Variants in ABCD4 observed in about 807,000 individuals in gnomAD.
ABCD4 encodes the protein ATP binding cassette subfamily D member 4.
A neutral mutation model predicts 86.3 loss-of-function variants in ABCD4; 53 were observed. The observed-to-expected ratio is 0.61, with a 90% CI of 0.49 to 0.77. The LOEUF (loss-of-function observed/expected upper bound fraction) is 0.77, where lower values mean the gene tolerates loss of function less well. Among genes scored for constraint, ABCD4 ranks in the 30% least tolerant of loss-of-function variants. The probability of loss-of-function intolerance (pLI) is 0.00; values close to 1 mark genes in which losing one functional copy is unlikely to be tolerated. For synonymous variants in ABCD4, 328 were observed against 313.6 expected (o/e 1.05, Z -0.49); for missense variants, 757 against 764.5 (o/e 0.99, Z 0.12).
In ABCD4 at chr14:74,290,527, G is replaced by A. The variant is rs530167374; in HGVS notation, c.1119-28C>T. On this transcript the variant is annotated intron_variant, in intron 11 of 18. Transcript: ENST00000356924. ...GTGTCAGAGAAGAGAGGGGGCGTGA[G>A]GAAGATGGGCAGGGTCAGTATTGCT... is the stretch of plus-strand genomic sequence containing the variant. 5.7e-5 allele frequency: 91 copies of A among 1,590,770 alleles called. 1 individual carries two copies. The Middle Eastern group carries it at 9.9e-4, about 17-fold the overall frequency.
intron 11 of ABCD4, among the ~76,000 whole-genome samples, chr14:74,291,916 C>A (rs1478921742): frequency 6.6e-6 from 1 of 152,108 alleles, no homozygotes; most frequent in African/African-American, 2.4e-5. Context: ...CACGCAGACA[C>A]ACGGATACAG....
intron 4 of ABCD4, 143 bp downstream of exon 4, chr14:74,297,787 C>G (rs117498612): frequency 0.012 from 16,930 of 1,410,876 alleles, 270 homozygotes; most frequent in Admixed American, 0.095. Context: ...CTCTGCAGGG[C>G]ACCCTCCCCC....
rs911504189 is a variant in ABCD4 at position 74,286,427 on chromosome 14, C to T, written c.*34G>A. ...GTCTCTCCTGAGGGCCGCCGACCCG[C>T]CACAGTGTGGCTCTCCTTCCAAAAG... is the stretch of plus-strand genomic sequence containing the variant. On this transcript the variant is annotated 3_prime_UTR_variant, in exon 19 of 19. Coordinates refer to ENST00000356924, the MANE Select transcript of ABCD4 (RefSeq NM_005050.4). 1.9e-6 allele frequency: 3 copies of T among 1,612,702 alleles called. No individual in the cohort carries two copies. Among genetic ancestry groups the T allele is most frequent in the East Asian group, 4.5e-5 (2 of 44,874 alleles).
chr14:74,299,692 G>C lies in ABCD4; in HGVS notation c.158-17C>G. On this transcript the variant is annotated splice_polypyrimidine_tract_variant and intron_variant, in intron 2 of 18. Coordinates refer to ENST00000356924, the MANE Select transcript of ABCD4 (RefSeq NM_005050.4). ...CAAATTGCTCTGAAAGGAGGGAGAGGAGTAAGAAATCAGTGATGAGGGGTT... is the reference window on the plus strand; with the variant it reads ...CAAATTGCTCTGAAAGGAGGGAGAGCAGTAAGAAATCAGTGATGAGGGGTT... 1 of 1,606,530 alleles carries C rather than the reference G, an allele frequency of 6.2e-7. No homozygotes were observed. The highest frequency in any genetic ancestry group is 8.5e-7 in the Non-Finnish European group (1 of 1,176,078).
intron 10 of ABCD4, 23 bp from the exon 11 acceptor site, chr14:74,292,399 A>G: frequency 6.2e-7 from 1 of 1,613,378 alleles, no homozygotes; most frequent in Non-Finnish European, 8.5e-7. Context: ...AGAAAATCTG[A>G]GGCAGGGTCT....
At chr14:74,292,721 T>A in intron 9 of ABCD4, 27 bp downstream of exon 9, 1 of 1,613,898 alleles carries the variant, frequency 6.2e-7, no homozygotes, top group Middle Eastern at 1.6e-4. Context: ...AGGGACAGCA[T>A]GTGGGGTGAC....
At chr14:74,288,040 A>T in intron 16 of ABCD4, 154 bp from the exon 17 acceptor site, 1 of 1,048,406 alleles carries the variant, frequency 9.5e-7, no homozygotes, top group Non-Finnish European at 1.4e-6. Context: ...TACAGCCCTC[A>T]CAGAGTGAGG....
intron 1 of ABCD4, among the ~76,000 whole-genome samples, chr14:74,302,580 T>C (rs1031002060): frequency 8.5e-5 from 13 of 152,148 alleles, no homozygotes; most frequent in African/African-American, 3.1e-4. Flanking sequence ...CAACTCAATT[T>C]TGTGCACCTG....
rs373333360 is a variant in ABCD4 at position 74,288,798 on chromosome 14, A to G, written c.1457-33T>C. On this transcript the variant is annotated intron_variant, in intron 14 of 18. Coordinates refer to ENST00000356924, the MANE Select transcript of ABCD4 (RefSeq NM_005050.4). The stretch of plus-strand genomic sequence containing the variant: ...ACAAAGAAGCCTTCTGCAAAAAGCC[A>G]GAGCCTCCTGGCTGGTCAAAATAGA... 2.5e-6 allele frequency: 4 copies of G among 1,610,150 alleles called. No individual in the cohort carries two copies. The African/African-American group carries it at 4.0e-5, about 16-fold the overall frequency.
intron 7 of ABCD4, 141 bp from the exon 8 acceptor site, chr14:74,293,389 C>T (rs1408366856): frequency 4.5e-6 from 3 of 671,694 alleles, no homozygotes; most frequent in Admixed American, 2.7e-5. Context: ...ACTGGTAGCG[C>T]CCATTCACGG....
intron 14 of ABCD4, 51 bp from the exon 15 acceptor site, chr14:74,288,816 A>C (rs757111675): frequency 6.2e-7 from 1 of 1,600,348 alleles, no homozygotes; most frequent in South Asian, 1.1e-5. Context: ...CTGGCTGGTC[A>C]AAATAGACAG....
rs974467865 is a variant in ABCD4 at position 74,285,910 on chromosome 14, C to T, written c.*551G>A. ...GATTCCAGAACAGCAGAGTGTGCTTCCCTTCCCACCAAGCTGTCAAATACA... is the reference window on the plus strand; with the variant it reads ...GATTCCAGAACAGCAGAGTGTGCTTTCCTTCCCACCAAGCTGTCAAATACA... On this transcript the variant is annotated 3_prime_UTR_variant, in exon 19 of 19. Coordinates refer to ENST00000356924, the MANE Select transcript of ABCD4 (RefSeq NM_005050.4). 1 of 152,580 alleles carries T rather than the reference C, an allele frequency of 6.6e-6. No homozygotes were observed. Among genetic ancestry groups the T allele is most frequent in the African/African-American group, 2.4e-5 (1 of 41,412 alleles). 9.5% of individuals were successfully genotyped at this position (152,580 alleles called of 1,614,324 possible).
In ABCD4 at chr14:74,288,571, A is replaced by G. The variant is rs2080476815; in HGVS notation, c.1506+145T>C. On this transcript the variant is annotated intron_variant, in intron 15 of 18. Coordinates refer to ENST00000356924, the MANE Select transcript of ABCD4 (RefSeq NM_005050.4). Reference sequence around the variant, plus strand: ...TTCGTGCCTAAACCTGGCCAACAGCACACACTGTCAACTGATACTCCCATT... The same window carrying G: ...TTCGTGCCTAAACCTGGCCAACAGCGCACACTGTCAACTGATACTCCCATT... 2.8e-5 allele frequency: 26 copies of G among 930,098 alleles called. No homozygotes were observed. In the South Asian group the frequency reaches 3.9e-4, roughly 14 times the overall value. 57.6% of individuals were successfully genotyped at this position (930,098 alleles called of 1,614,324 possible).
chr14:74,289,052 C>T, intron 14 of ABCD4: 2 of 1,016,734 alleles, frequency 2.0e-6, no homozygotes, highest in Non-Finnish European at 2.4e-6. Context: ...GTGGAGGTTG[C>T]AGTGAGCCGA....
intron 13 of ABCD4, 105 bp from the exon 14 acceptor site, chr14:74,289,624 G>C (rs917961647): frequency 1.6e-5 from 24 of 1,536,144 alleles, no homozygotes; most frequent in Non-Finnish European, 2.0e-5. Context: ...CCAAGGAGGA[G>C]AGGTGGGAAC....
In ABCD4 at chr14:74,300,268, C is replaced by A. The variant is rs1330467541; in HGVS notation, c.39G>T (p.Arg13Ser). ...VAGPAPGAGARPRLDLQFLQR... is the reference protein window; with the variant it reads ...VAGPAPGAGASPRLDLQFLQR... ...GGAGAAATTGCAGATCTAACCTGGG[C>A]CTGAAGAGAAGGTGGGGAGGCAGAG... The change falls in exon 2 of 19, where the codon AGG (arginine) becomes AGT (serine). Residue 13 changes from arginine (R) to serine (S), a missense_variant and splice_region_variant. Physicochemically the swap from Arg to Ser is moderately radical, Grantham distance 110. Transcript: ENST00000356924. 6.2e-7 allele frequency: 1 copy of A among 1,605,860 alleles called. No individual in the cohort carries two copies.
intron 1 of ABCD4, 82 bp from the exon 2 acceptor site, chr14:74,300,350 G>T: frequency 2.3e-6 from 2 of 886,718 alleles, no homozygotes; most frequent in Admixed American, 1.9e-5. Context: ...CATCCACATT[G>T]TTCTGTAGAG....
At chr14:74,299,923 CGTG>C in intron 2 of ABCD4, 2 of 584,480 alleles carry the variant, frequency 3.4e-6, no homozygotes, top group Non-Finnish European at 6.0e-6. Flanking sequence ...TTTAGTCGGG[CGTG>C]GTGGTGGGTG....
Position 74,293,179 on chromosome 14 carries a change from C to T in ABCD4, c.789G>A (p.Leu263=). ...LQRLLQTQRE[L]MSKELWLYIG... ...TGTACAGCCAGAGCTCCTTGGACATCAGCTCCCTCTGGGTCTGAAGGAGTC... is the reference window on the plus strand; with the variant it reads ...TGTACAGCCAGAGCTCCTTGGACATTAGCTCCCTCTGGGTCTGAAGGAGTC... The change falls in exon 8 of 19, where the codon CTG becomes CTA. Residue 263 remains leucine (L), a synonymous_variant. Coordinates refer to ENST00000356924, the MANE Select transcript of ABCD4 (RefSeq NM_005050.4). 2 of 1,614,172 alleles carry T rather than the reference C, an allele frequency of 1.2e-6. No individual in the cohort carries two copies. Among genetic ancestry groups the T allele is most frequent in the Non-Finnish European group, 1.7e-6 (2 of 1,180,016 alleles).
Sources: allele counts gnomAD v4.1 joint callset (sites outside exome capture counted in the v4.1 genomes callset), GRCh38; gene constraint gnomAD v4.1.1; transcripts MANE v1.5; gene names NCBI Gene and HGNC (gene_info 2026-07-23, HGNC 2026-07-21).